The following FSTL5 variants were observed in gnomAD, a reference collection of about 807,000 sequenced individuals.
The protein encoded by FSTL5 is follistatin like 5.
FSTL5 carries 62 observed loss-of-function variants against 89.1 expected under a neutral mutation model. The observed-to-expected ratio is 0.70, with a 90% CI of 0.57 to 0.86. The LOEUF (loss-of-function observed/expected upper bound fraction) is 0.86. FSTL5 is among the 40% of genes least tolerant of loss of function. The pLI is 0.00. For missense variants in FSTL5, 1,057 were observed against 1,001.6 expected (o/e 1.06, Z -0.75); for synonymous variants, 383 against 346.2 (o/e 1.11, Z -1.18).
intron 4 of FSTL5, among the ~76,000 whole-genome samples, chr4:161,843,265 T>C (rs531290282): frequency 6.6e-6 from 1 of 152,314 alleles, no homozygotes; most frequent in South Asian, 2.1e-4. Flanking sequence ...TTTAGTTCCA[T>C]ATGAAATTTA....
intron 6 of FSTL5, among the ~76,000 whole-genome samples, chr4:161,688,285 G>T (rs1737811203): frequency 6.6e-6 from 1 of 152,116 alleles, no homozygotes; most frequent in South Asian, 2.1e-4. Context: ...ATCTTGCCTT[G>T]TTGCCCAGGC....
At chr4:161,490,391 C>T (rs1289878890) in intron 12 of FSTL5, among the ~76,000 whole-genome samples, 1 of 152,042 alleles carries the variant, frequency 6.6e-6, no homozygotes, top group African/African-American at 2.4e-5. Flanking sequence ...AATTACTTTT[C>T]TAGATATGCA....
At chr4:161,429,261 C>A (rs1213067738) in intron 15 of FSTL5, among the ~76,000 whole-genome samples, 1 of 152,196 alleles carries the variant, frequency 6.6e-6, no homozygotes, top group African/African-American at 2.4e-5. Flanking sequence ...GATGGTATCT[C>A]TGGACCTGCC....
intron 3 of FSTL5, among the ~76,000 whole-genome samples, chr4:161,939,076 T>A (rs1380841098): frequency 2.0e-5 from 3 of 151,948 alleles, no homozygotes; most frequent in Admixed American, 1.3e-4. Flanking sequence ...TTTTCTAGTT[T>A]TAACTGATAT....
At chr4:161,439,301 T>C (rs538780288) in intron 15 of FSTL5, among the ~76,000 whole-genome samples, 17 of 152,286 alleles carry the variant, frequency 1.1e-4, no homozygotes, top group Middle Eastern at 3.4e-3. Flanking sequence ...CTTTAAATGG[T>C]GTCGAGTGTG....
At chr4:161,631,405 T>C (rs950616730) in intron 7 of FSTL5, among the ~76,000 whole-genome samples, 1 of 151,972 alleles carries the variant, frequency 6.6e-6, no homozygotes, top group Admixed American at 6.6e-5. Flanking sequence ...ATCACTGGGG[T>C]CACAAGTTCG....
At chr4:162,161,714 G>A (rs573936971) in intron 1 of FSTL5, among the ~76,000 whole-genome samples, 3 of 151,602 alleles carry the variant, frequency 2.0e-5, no homozygotes, top group African/African-American at 7.2e-5. Context: ...TAAATATAAT[G>A]TTTATATATA....
chr4:161,801,301 G>C (rs565169970), intron 4 of FSTL5, among the ~76,000 whole-genome samples: 11 of 151,510 alleles, frequency 7.3e-5, no homozygotes, highest in Middle Eastern at 3.4e-3. Flanking sequence ...CTAGTATCTA[G>C]CATAATTGGC....
chr4:161,680,146 T>C (rs1362502052), intron 6 of FSTL5, among the ~76,000 whole-genome samples: 1 of 151,914 alleles, frequency 6.6e-6, no homozygotes, highest in African/African-American at 2.4e-5. Flanking sequence ...TATTTGTTTA[T>C]AGAAGAAAAT....
At chr4:161,853,272 G>T (rs1488488301) in intron 4 of FSTL5, among the ~76,000 whole-genome samples, 1 of 151,998 alleles carries the variant, frequency 6.6e-6, no homozygotes, top group Admixed American at 6.6e-5. Context: ...TGTTGTTGTT[G>T]TTGTTGTTGT....
At chr4:161,858,524 T>C (rs1383953644) in intron 4 of FSTL5, among the ~76,000 whole-genome samples, 3 of 152,202 alleles carry the variant, frequency 2.0e-5, no homozygotes, top group East Asian at 1.9e-4. Context: ...GAGACAGATA[T>C]CAATCCTACA....
intron 3 of FSTL5, among the ~76,000 whole-genome samples, chr4:162,001,019 A>T (rs1017038096): frequency 2.0e-5 from 3 of 152,340 alleles, no homozygotes; most frequent in Non-Finnish European, 4.4e-5. Context: ...TCACTGATCC[A>T]GATCTATTAA....
chr4:161,774,610 G>A (rs1741334423), intron 5 of FSTL5, among the ~76,000 whole-genome samples: 1 of 151,512 alleles, frequency 6.6e-6, no homozygotes, highest in Non-Finnish European at 1.5e-5. Context: ...GTGCAGATAT[G>A]TTAATAAAAA....
At chr4:161,495,228 A>G (rs1220378249) in intron 12 of FSTL5, 2 of 152,206 alleles carry the variant, frequency 1.3e-5, no homozygotes, top group Non-Finnish European at 1.5e-5. Flanking sequence ...AGCTAGATCT[A>G]TAACAAGCAA....
chr4:161,899,250 A>T (rs182447911), intron 4 of FSTL5, among the ~76,000 whole-genome samples: 2 of 152,282 alleles, frequency 1.3e-5, no homozygotes, highest in Non-Finnish European at 2.9e-5. Context: ...TGGTTACATG[A>T]GAAAAATATC....
At chr4:161,763,242 A>C (rs1034099069) in intron 5 of FSTL5, among the ~76,000 whole-genome samples, 1 of 152,172 alleles carries the variant, frequency 6.6e-6, no homozygotes, top group Non-Finnish European at 1.5e-5. Flanking sequence ...TCCCATATGA[A>C]ACTCATATTC....
At chr4:162,082,510 C>T (rs1337536662) in intron 2 of FSTL5, among the ~76,000 whole-genome samples, 5 of 140,308 alleles carry the variant, frequency 3.6e-5, no homozygotes, top group Non-Finnish European at 7.8e-5. Flanking sequence ...ACTCTTTGTT[C>T]AATTTGAGGA....
intron 6 of FSTL5, among the ~76,000 whole-genome samples, chr4:161,685,906 T>C (rs574043368): frequency 2.6e-5 from 4 of 152,312 alleles, no homozygotes; most frequent in Non-Finnish European, 5.9e-5. Flanking sequence ...CATAGTTGGC[T>C]TTTATTACAT....
intron 7 of FSTL5, among the ~76,000 whole-genome samples, chr4:161,621,374 T>A (rs1735118371): frequency 6.6e-6 from 1 of 150,734 alleles, no homozygotes; most frequent in Non-Finnish European, 1.5e-5. Flanking sequence ...AACTAAATAA[T>A]CATTGAAATA....
Sources: allele counts gnomAD v4.1 joint callset (sites outside exome capture counted in the v4.1 genomes callset), GRCh38; gene constraint gnomAD v4.1.1; transcripts MANE v1.5; gene names NCBI Gene and HGNC (gene_info 2026-07-23, HGNC 2026-07-21).